The following PCDH17 variants were observed in gnomAD, a reference collection of about 807,000 sequenced individuals.
The protein encoded by PCDH17 is protocadherin 17.
Under a neutral mutation model 67.7 loss-of-function variants are expected in PCDH17, and 21 were observed. That is an observed-to-expected ratio of 0.31 (90% confidence interval 0.22 to 0.45). PCDH17 has a LOEUF of 0.45. Among genes scored for constraint, PCDH17 ranks in the 20% least tolerant of loss-of-function variants. The probability of loss-of-function intolerance (pLI) is 1.00; values close to 1 mark genes in which losing one functional copy is unlikely to be tolerated. For synonymous variants in PCDH17, 701 were observed against 656.7 expected (o/e 1.07, Z -1.03); for missense variants, 1,471 against 1,564.8 (o/e 0.94, Z 1.01).
chr13:57,674,199 A>G lies in PCDH17; in HGVS notation c.2797+7366A>G, dbSNP rs1269513244. 3.3e-5 allele frequency among the ~76,000 whole-genome samples: 5 copies of G among 152,090 alleles called. No individual in the cohort carries two copies. The East Asian group carries it at 9.7e-4, about 30-fold the overall frequency. The stretch of plus-strand genomic sequence containing the variant: ...AGGGAATGCTGGGACTATATTTCCA[A>G]ATGTCCTAAAAGCCCTCTCCTGCCT... On this transcript the variant is annotated intron_variant, in intron 3 of 3. Transcript: ENST00000377918.
At chr13:57,667,880 CTTAT>C (rs56211690) in intron 3 of PCDH17, among the ~76,000 whole-genome samples, 56,902 of 147,134 alleles carry the variant, frequency 0.39, 12,560 homozygotes, top group South Asian at 0.6. Flanking sequence ...TTTATATATA[CTTAT>C]TTATATATAT....
upstream of PCDH17, among the ~76,000 whole-genome samples, chr13:57,630,900 G>C (rs886217450): frequency 6.6e-6 from 1 of 152,112 alleles, no homozygotes; most frequent in Non-Finnish European, 1.5e-5. Flanking sequence ...TGTCATTCCC[G>C]TATGTCGAGG....
At chr13:57,707,167 A>C (rs1955728512) in intron 3 of PCDH17, among the ~76,000 whole-genome samples, 1 of 152,044 alleles carries the variant, frequency 6.6e-6, no homozygotes, top group Admixed American at 6.6e-5. Flanking sequence ...TCTACCTTCT[A>C]CTTAGTAGTA....
In PCDH17 at chr13:57,696,113, G is replaced by A. The variant is rs184498172; in HGVS notation, c.2798-28499G>A. On this transcript the variant is annotated intron_variant, in intron 3 of 3. Transcript: ENST00000377918. The stretch of plus-strand genomic sequence containing the variant: ...CCTGTAACTCTGTACATATGATAAC[G>A]TAACGGTTGTTCTTAGTAAAAAATA... 2.0e-4 allele frequency among the ~76,000 whole-genome samples: 31 copies of A among 151,418 alleles called. No homozygotes were observed. In the East Asian group the frequency reaches 5.0e-3, roughly 25 times the overall value.
chr13:57,651,887 T>TA (rs1955045348), intron 1 of PCDH17, among the ~76,000 whole-genome samples: 1 of 152,190 alleles, frequency 6.6e-6, no homozygotes, highest in Non-Finnish European at 1.5e-5. Context: ...CTGGTGCAGT[T>TA]AAACTTTAGG....
chr13:57,639,541 A>G (rs1245661423), intron 1 of PCDH17, among the ~76,000 whole-genome samples: 1 of 151,928 alleles, frequency 6.6e-6, no homozygotes, highest in African/African-American at 2.4e-5. Context: ...AACTCTTTGT[A>G]ATGTATTAAC....
rs541385618 is a variant in PCDH17, at chr13:57,717,037, T to C, written c.2798-7575T>C. Among the ~76,000 whole-genome samples the C allele has an allele frequency of 2.0e-4, 30 of 152,138 alleles. No individual in the cohort carries two copies. The South Asian group carries it at 6.0e-3, about 30-fold the overall frequency. On this transcript the variant is annotated intron_variant, in intron 3 of 3. Transcript: ENST00000377918. ...TTTTCCTTGAAAGTCTCTGTAAGCA[T>C]ACTTTTCTCAAAGTGAATATAAACC...
intron 3 of PCDH17, among the ~76,000 whole-genome samples, chr13:57,720,818 T>A (rs1955866220): frequency 6.6e-6 from 1 of 152,064 alleles, no homozygotes. Context: ...AGTTACTTCA[T>A]CTGTTTTGCA....
chr13:57,640,470 C>A (rs2137981999), intron 1 of PCDH17, among the ~76,000 whole-genome samples: 1 of 152,156 alleles, frequency 6.6e-6, no homozygotes, highest in African/African-American at 2.4e-5. Context: ...CAATTTTATA[C>A]ATTTTAGTTC....
chr13:57,681,017 AC>A (rs1955443690), intron 3 of PCDH17, among the ~76,000 whole-genome samples: 1 of 151,790 alleles, frequency 6.6e-6, no homozygotes, highest in Non-Finnish European at 1.5e-5. Context: ...TTAAACATCT[AC>A]TATGTGTCAA....
chr13:57,689,472 T>C (rs1199036465), intron 3 of PCDH17, among the ~76,000 whole-genome samples: 1 of 152,018 alleles, frequency 6.6e-6, no homozygotes, highest in Non-Finnish European at 1.5e-5. Context: ...ACACAATTCT[T>C]GGTTAATTAC....
At chr13:57,641,576 AAAAAAAAAAAAATATATATATAT>A (rs1954899453) in intron 1 of PCDH17, among the ~76,000 whole-genome samples, 2 of 81,596 alleles carry the variant, frequency 2.5e-5, no homozygotes, top group Admixed American at 1.4e-4. Context: ...AAAAAAAAAA[AAAAAAAAAAAAATATATATATAT>A]ATATATATAT....
chr13:57,632,543 T>A lies in PCDH17; in HGVS notation c.-4T>A. 6.2e-7 allele frequency: 1 copy of A among 1,612,588 alleles called. No homozygotes were observed. The highest frequency in any genetic ancestry group is 8.5e-7 in the Non-Finnish European group (1 of 1,179,258). On this transcript the variant is annotated 5_prime_UTR_variant, in exon 1 of 4. Transcript: ENST00000377918. ...TGCTCCTGCCCCCACCTTACAGGTC[T>A]GGGATGTACCTTTCCATCTGTTGCT...
chr13:57,697,513 C>G (rs773172699), intron 3 of PCDH17, among the ~76,000 whole-genome samples: 2 of 151,616 alleles, frequency 1.3e-5, no homozygotes, highest in Admixed American at 6.6e-5. Context: ...TTATATCCAG[C>G]ATGAATTGCT....
At chr13:57,687,120 A>G (rs2138056460) in intron 3 of PCDH17, among the ~76,000 whole-genome samples, 1 of 152,204 alleles carries the variant, frequency 6.6e-6, no homozygotes, top group East Asian at 1.9e-4. Flanking sequence ...GTGCAATTCT[A>G]AATTCCGTTG....
chr13:57,714,563 C>T (rs541705092), intron 3 of PCDH17, among the ~76,000 whole-genome samples: 1 of 151,810 alleles, frequency 6.6e-6, no homozygotes, highest in East Asian at 1.9e-4. Context: ...TAGTAGAATA[C>T]TTAAACAGTC....
intron 3 of PCDH17, among the ~76,000 whole-genome samples, chr13:57,694,842 C>T (rs1593933437): frequency 6.6e-6 from 1 of 151,086 alleles, no homozygotes; most frequent in African/African-American, 2.4e-5. Flanking sequence ...GCCATTGCCA[C>T]ATGTATCATT....
In PCDH17 at chr13:57,633,920, C is replaced by T; in HGVS notation, c.1374C>T (p.Phe458=). ...CTCCCCTCAACTCCACCAAGTCGTTCGCGATCAAGATTCTAGACGAGAACG... is the reference window on the plus strand; with the variant it reads ...CTCCCCTCAACTCCACCAAGTCGTTTGCGATCAAGATTCTAGACGAGAACG... ...GSPPLNSTKS[F]AIKILDENDN... The change falls in exon 1 of 4, where the codon TTC becomes TTT. Residue 458 remains phenylalanine, a synonymous_variant. Coordinates refer to ENST00000377918, the MANE Select transcript of PCDH17 (RefSeq NM_001040429.3). This position sits in a 1 kb window ranked among gnomAD's most constrained non-coding sequence, Gnocchi z 6.2. 1 of 1,613,376 alleles carries T rather than the reference C, an allele frequency of 6.2e-7. No homozygotes were observed. Among genetic ancestry groups the T allele is most frequent in the Non-Finnish European group, 8.5e-7 (1 of 1,180,030 alleles).
At chr13:57,657,210 T>A (rs1955116716) in intron 1 of PCDH17, among the ~76,000 whole-genome samples, 1 of 152,168 alleles carries the variant, frequency 6.6e-6, no homozygotes, top group African/African-American at 2.4e-5. Flanking sequence ...TCATCCTCAT[T>A]GAGCAGCAGA....
Sources: gnomAD v4.1 joint callset for allele counts (sites outside exome capture counted in the v4.1 genomes callset) on GRCh38, gnomAD v4.1.1 for gene constraint, Gnocchi (gnomAD v3.1) non-coding constraint, MANE v1.5 for transcripts, NCBI Gene and HGNC (gene_info 2026-07-23, HGNC 2026-07-21) for gene names.